Variants in CHEK2 observed in about 807,000 individuals in gnomAD.
CHEK2 encodes serine/threonine-protein kinase Chk2.
A neutral mutation model predicts 69.1 loss-of-function variants in CHEK2; 71 were observed. The ratio of observed to expected loss-of-function variants is 1.03; its 90% CI spans 0.85 to 1.25. CHEK2 has a LOEUF of 1.25. CHEK2 is among the 50% of genes most tolerant of loss of function. The pLI is 0.00. For synonymous variants in CHEK2, 189 were observed against 226.9 expected, an observed-to-expected ratio of 0.83 and a Z score of 1.50; for missense variants, 664 against 649.6, an observed-to-expected ratio of 1.02 and a Z score of -0.24.
intron 2 of CHEK2, among the ~76,000 whole-genome samples, chr22:28,730,207 GAA>G: frequency 2.2e-5 from 3 of 136,782 alleles, no homozygotes; most frequent in Admixed American, 7.7e-5. Context: ...AAGGAGAGAG[GAA>G]GAGAGAAGAG....
intron 4 of CHEK2, chr22:28,721,524 T>G (rs2053782081): frequency 2.4e-6 from 1 of 409,406 alleles, no homozygotes; most frequent in African/African-American, 2.1e-5. Flanking sequence ...TGACCTCAGG[T>G]GATCTGCCAG....
At chr22:28,719,692 C>T (rs1437128004) in intron 4 of CHEK2, among the ~76,000 whole-genome samples, 2 of 152,166 alleles carry the variant, frequency 1.3e-5, no homozygotes, top group African/African-American at 4.8e-5. Context: ...AAATGATAGT[C>T]AAATTTCATG....
At chr22:28,741,139 A>T (rs2054543100) in intron 1 of CHEK2, among the ~76,000 whole-genome samples, 1 of 132,132 alleles carries the variant, frequency 7.6e-6, no homozygotes, top group African/African-American at 3.0e-5. Context: ...ACAGAGAGAG[A>T]CTCCGTCTCA....
At chr22:28,724,519 A>C (rs937958218) in intron 4 of CHEK2, 2 of 232,526 alleles carry the variant, frequency 8.6e-6, no homozygotes, top group Admixed American at 1.0e-4. Flanking sequence ...TCATAATTTT[A>C]CAATGCAACT....
At chr22:28,702,468 G>A (rs1320814544) in intron 8 of CHEK2, among the ~76,000 whole-genome samples, 1 of 150,680 alleles carries the variant, frequency 6.6e-6, no homozygotes, top group Non-Finnish European at 1.5e-5. Flanking sequence ...TCGATCTCCT[G>A]ACCTTGTGAT....
In CHEK2 at chr22:28,740,788, C is replaced by T. The variant is rs146063607; in HGVS notation, c.-7+981G>A. On this transcript the variant is annotated intron_variant, in intron 1 of 14. Coordinates refer to ENST00000404276, the MANE Select transcript of CHEK2 (RefSeq NM_007194.4). ...GGACCTGGTTATGTCTGACCTTGCACTGTTCACATACACCACTGGTGGGAA... is the reference window on the plus strand; with the variant it reads ...GGACCTGGTTATGTCTGACCTTGCATTGTTCACATACACCACTGGTGGGAA... 1.3e-4 allele frequency among the ~76,000 whole-genome samples: 20 copies of T among 152,312 alleles called. No homozygotes were observed. In the East Asian group the frequency reaches 3.5e-3, roughly 26 times the overall value.
At chr22:28,734,307 C>T (rs930156923) in intron 2 of CHEK2, 96 bp downstream of exon 2, 106 of 1,216,898 alleles carry the variant, frequency 8.7e-5, no homozygotes, top group Non-Finnish European at 1.2e-4. Context: ...TGCCAAAAAC[C>T]TGGACAACTC....
intron 5 of CHEK2, among the ~76,000 whole-genome samples, chr22:28,718,348 C>T (rs2053654058): frequency 1.3e-5 from 2 of 152,078 alleles, no homozygotes; most frequent in South Asian, 4.1e-4. Context: ...TTAGTACAGC[C>T]ATTTTGGAAA....
rs2054306548 is a variant in CHEK2 at position 28,734,331 on chromosome 22, C to T, written c.319+72G>A. Reference sequence around the variant, plus strand: ...CCTGGACAACTCCAATCAGAACCTTCCACCTGGTAATACAACTTTCTGTAA... The same window carrying T: ...CCTGGACAACTCCAATCAGAACCTTTCACCTGGTAATACAACTTTCTGTAA... On this transcript the variant is annotated intron_variant, in intron 2 of 14. Coordinates refer to ENST00000404276, the MANE Select transcript of CHEK2 (RefSeq NM_007194.4). 2.7e-6 allele frequency: 4 copies of T among 1,469,996 alleles called. No homozygotes were observed. In the South Asian group the frequency reaches 4.7e-5, roughly 17 times the overall value. 91.1% of individuals were successfully genotyped at this position (1,469,996 alleles called of 1,614,324 possible).
Position 28,729,521 on chromosome 22 carries a change from C to A in CHEK2, c.320-4154G>T, listed in dbSNP as rs1159926598. The A allele has an allele frequency of 2.4e-5, 3 of 124,702 alleles. 1 individual carries two copies. In the South Asian group the frequency reaches 7.6e-4, roughly 31 times the overall value. The allele number at this position is 124,702 out of a possible 1,614,324, so 7.7% of individuals were successfully genotyped here. On this transcript the variant is annotated intron_variant, in intron 2 of 14. Transcript: ENST00000404276. ...TCACGCCACTGCACTCCAGCCTGGGCGACAGCGAGACTCCATCTCAAAAAA... is the reference window on the plus strand; with the variant it reads ...TCACGCCACTGCACTCCAGCCTGGGAGACAGCGAGACTCCATCTCAAAAAA...
chr22:28,698,248 T>G (rs1486206204), intron 9 of CHEK2, among the ~76,000 whole-genome samples: 1 of 42,860 alleles, frequency 2.3e-5, no homozygotes, highest in Non-Finnish European at 7.1e-5. Context: ...AAAAAAAAAA[T>G]TAGCTGGACA....
intron 4 of CHEK2, 149 bp from the exon 5 acceptor site, chr22:28,719,634 A>G (rs1008774188): frequency 1.4e-5 from 8 of 589,150 alleles, no homozygotes; most frequent in East Asian, 5.7e-5. Flanking sequence ...TGTATGTAAT[A>G]TAATAGGTAT....
chr22:28,699,239 G>C (rs1055296420), intron 9 of CHEK2, among the ~76,000 whole-genome samples: 2 of 152,104 alleles, frequency 1.3e-5, no homozygotes, highest in Non-Finnish European at 2.9e-5. Flanking sequence ...TTGGGCTCAA[G>C]TGATCCTCCT....
intron 2 of CHEK2, among the ~76,000 whole-genome samples, chr22:28,733,776 A>G (rs888981877): frequency 2.0e-5 from 3 of 151,830 alleles, no homozygotes; most frequent in Non-Finnish European, 4.4e-5. Flanking sequence ...AAAATTAGCC[A>G]GGTGTGGTGG....
chr22:28,691,604 G>C (rs1396414860), intron 13 of CHEK2, among the ~76,000 whole-genome samples: 1 of 152,282 alleles, frequency 6.6e-6, no homozygotes, highest in East Asian at 1.9e-4. Context: ...GCTGAGGCGG[G>C]AGGATCCCTT....
At position 28,708,371 on chromosome 22, in the gene CHEK2, G is replaced by GTGTGTGTC. The variant is rs1219639723; in HGVS notation, c.846+1634_846+1635insGACACACA. 8.8e-4 allele frequency among the ~76,000 whole-genome samples: 132 copies of GTGTGTGTC among 149,288 alleles called. 1 individual carries two copies. The highest frequency in any genetic ancestry group is 2.3e-3 in the South Asian group (11 of 4,692). The stretch of plus-strand genomic sequence containing the variant: ...AGACTGTCTCTAAAAATATGTGTGT[G>GTGTGTGTC]TGTGTGTGTGTGTGTGTGTGTGTGT... On this transcript the variant is annotated intron_variant, in intron 7 of 14. Coordinates refer to ENST00000404276, the MANE Select transcript of CHEK2 (RefSeq NM_007194.4).
chr22:28,703,680 C>T (rs2145880908), intron 7 of CHEK2, 114 bp from the exon 8 acceptor site: 1 of 705,716 alleles, frequency 1.4e-6, no homozygotes, highest in Non-Finnish European at 2.5e-6. Flanking sequence ...GGCATCTGGC[C>T]CCCTGCCTCA....
chr22:28,694,247 G>A (rs887094140), intron 12 of CHEK2, 130 bp from the exon 13 acceptor site: 4 of 715,006 alleles, frequency 5.6e-6, no homozygotes, highest in African/African-American at 3.5e-5. Flanking sequence ...TCAGCAGACA[G>A]GGCCCCCTAA....
intron 5 of CHEK2, among the ~76,000 whole-genome samples, chr22:28,714,891 A>G (rs952701946): frequency 6.6e-6 from 1 of 152,184 alleles, no homozygotes; most frequent in Admixed American, 6.6e-5. Flanking sequence ...CTTCTCCTGG[A>G]AACAGTCACC....
Sources: allele counts gnomAD v4.1 joint callset (sites outside exome capture counted in the v4.1 genomes callset), GRCh38; gene constraint gnomAD v4.1.1; transcripts MANE v1.5; gene names NCBI Gene and HGNC (gene_info 2026-07-23, HGNC 2026-07-21).